Variants in IGF2BP2 observed in about 807,000 individuals in gnomAD.
The protein encoded by IGF2BP2 is insulin like growth factor 2 mRNA binding protein 2, also known as insulin-like growth factor 2 mRNA-binding protein 2.
In IGF2BP2, 17 loss-of-function variants were observed where a neutral mutation model predicts 75.8. The observed-to-expected ratio is 0.22, with a 90% CI of 0.15 to 0.34. IGF2BP2 has a LOEUF of 0.34. Ranked by LOEUF, IGF2BP2 falls within the 10% of genes least tolerant of loss-of-function variation. The probability of loss-of-function intolerance (pLI) is 1.00; values close to 1 mark genes in which losing one functional copy is unlikely to be tolerated. For synonymous variants in IGF2BP2, 288 were observed against 295.6 expected (o/e 0.97, Z 0.26); for missense variants, 516 against 772.4 (o/e 0.67, Z 3.93).
At chr3:185,674,019 T>C (rs935054148) in intron 9 of IGF2BP2, among the ~76,000 whole-genome samples, 28 of 152,218 alleles carry the variant, frequency 1.8e-4, no homozygotes, top group African/African-American at 5.8e-4. Flanking sequence ...AGTCTCCTGC[T>C]CTAGCTCTTC....
intron 2 of IGF2BP2, among the ~76,000 whole-genome samples, chr3:185,810,800 TA>T (rs1463986445): frequency 6.6e-6 from 1 of 151,034 alleles, no homozygotes; most frequent in Admixed American, 6.6e-5. Flanking sequence ...AAACAAAAAC[TA>T]AAAAACAAAC....
intron 2 of IGF2BP2, among the ~76,000 whole-genome samples, chr3:185,699,302 C>G (rs1277175206): frequency 6.6e-6 from 1 of 151,942 alleles, no homozygotes; most frequent in African/African-American, 2.4e-5. Flanking sequence ...ACAATTATCC[C>G]CTTCTTCCTC....
At chr3:185,751,607 C>T (rs1447808020) in intron 2 of IGF2BP2, among the ~76,000 whole-genome samples, 3 of 151,422 alleles carry the variant, frequency 2.0e-5, no homozygotes, top group South Asian at 2.1e-4. Context: ...ATCACGCCAT[C>T]GCACTCCAGC....
chr3:185,769,756 G>A (rs1458058230), intron 2 of IGF2BP2, among the ~76,000 whole-genome samples: 1 of 146,938 alleles, frequency 6.8e-6, no homozygotes, highest in Non-Finnish European at 1.5e-5. Flanking sequence ...TTGAGCCCAG[G>A]AGGTCAATGC....
chr3:185,650,522 C>T (rs921822154), intron 13 of IGF2BP2, among the ~76,000 whole-genome samples: 1 of 151,866 alleles, frequency 6.6e-6, no homozygotes, highest in African/African-American at 2.4e-5. Flanking sequence ...ACTAAAAATA[C>T]AAAAATTAGC....
intron 10 of IGF2BP2, among the ~76,000 whole-genome samples, chr3:185,662,543 C>CTTT (rs1172808795): frequency 8.9e-6 from 1 of 112,646 alleles, no homozygotes; most frequent in Non-Finnish European, 1.8e-5. Context: ...CCTTCCCATA[C>CTTT]TTTTTTTTTT....
intron 2 of IGF2BP2, among the ~76,000 whole-genome samples, chr3:185,793,121 T>C (rs1174519732): frequency 2.0e-5 from 3 of 152,234 alleles, no homozygotes. Context: ...TCTGGAATTA[T>C]CTTACTGCGC....
intron 2 of IGF2BP2, among the ~76,000 whole-genome samples, chr3:185,797,911 A>AG (rs1553893016): frequency 6.7e-6 from 1 of 149,362 alleles, no homozygotes; most frequent in African/African-American, 2.5e-5. Flanking sequence ...AAAAAAAAAA[A>AG]AAAAAAAAAG....
intron 4 of IGF2BP2, among the ~76,000 whole-genome samples, chr3:185,694,844 T>C (rs1304886094): frequency 6.6e-6 from 1 of 152,248 alleles, no homozygotes; most frequent in African/African-American, 2.4e-5. Flanking sequence ...CCCAGCACTC[T>C]GGGAGGCCAA....
intron 2 of IGF2BP2, among the ~76,000 whole-genome samples, chr3:185,808,902 T>A (rs11711477): frequency 0.45 from 68,186 of 152,004 alleles, 18,340 homozygotes; most frequent in African/African-American, 0.77. Flanking sequence ...CTGCTTTGCA[T>A]TTAAAATTTA....
intron 2 of IGF2BP2, among the ~76,000 whole-genome samples, chr3:185,786,633 T>A (rs990391421): frequency 6.6e-6 from 1 of 152,116 alleles, no homozygotes; most frequent in Admixed American, 6.5e-5. Context: ...GTCCCTTCGC[T>A]GACTCTCTTT....
intron 2 of IGF2BP2, among the ~76,000 whole-genome samples, chr3:185,705,384 T>C (rs1723883460): frequency 6.6e-6 from 1 of 152,208 alleles, no homozygotes; most frequent in South Asian, 2.1e-4. Flanking sequence ...CATGAGCCAC[T>C]GTGCCCAGCC....
rs1193787094 is a variant in IGF2BP2, at chr3:185,644,107, T to C, written c.*1424A>G. On this transcript the variant is annotated 3_prime_UTR_variant, in exon 16 of 16. Transcript: ENST00000382199. ...ACCTTCTCCAGGCTGGCAGTTGATA[T>C]CTTATTTTTTTTCCAACTCATTTTT... 1 of 152,444 alleles carries C rather than the reference T, an allele frequency of 6.6e-6. No individual in the cohort carries two copies. The highest frequency in any genetic ancestry group is 2.4e-5 in the African/African-American group (1 of 41,418). 9.4% of individuals were successfully genotyped at this position (152,444 alleles called of 1,614,324 possible). A position where few individuals can be genotyped will look rare whatever the true frequency, so the allele number is the denominator to read the frequency against.
At chr3:185,746,683 C>T (rs541164836) in intron 2 of IGF2BP2, among the ~76,000 whole-genome samples, 1 of 152,300 alleles carries the variant, frequency 6.6e-6, no homozygotes, top group African/African-American at 2.4e-5. Flanking sequence ...ACAAAGCCAA[C>T]AGGAAACATA....
chr3:185,652,822 C>T (rs1170738257), intron 12 of IGF2BP2, among the ~76,000 whole-genome samples: 4 of 152,132 alleles, frequency 2.6e-5, no homozygotes, highest in African/African-American at 9.7e-5. Context: ...GCTGGGCCCA[C>T]CAAGCTCCAA....
intron 2 of IGF2BP2, among the ~76,000 whole-genome samples, chr3:185,730,821 C>T (rs1211052740): frequency 6.6e-6 from 1 of 152,056 alleles, no homozygotes; most frequent in Non-Finnish European, 1.5e-5. Flanking sequence ...AGAGGTTGTA[C>T]TAATTTACAC....
intron 7 of IGF2BP2, among the ~76,000 whole-genome samples, chr3:185,684,687 G>C (rs764978963): frequency 6.6e-6 from 1 of 152,174 alleles, no homozygotes; most frequent in East Asian, 1.9e-4. Flanking sequence ...GATTACAGGC[G>C]TGAGTCACCA....
chr3:185,704,680 G>C lies in IGF2BP2; in HGVS notation c.240-6333C>G, dbSNP rs960954353. On this transcript the variant is annotated intron_variant, in intron 2 of 15. Coordinates refer to ENST00000382199, the MANE Select transcript of IGF2BP2 (RefSeq NM_006548.6). ...GCCTAGGCTGGTTTTGAATTCCTGG[G>C]CTCAAGCAATCAGCCCACCTTGTCC... Among the ~76,000 whole-genome samples, 4 of 152,062 alleles carry C rather than the reference G, an allele frequency of 2.6e-5. No individual in the cohort carries two copies. In the East Asian group the frequency reaches 7.7e-4, roughly 29 times the overall value.
intron 2 of IGF2BP2, among the ~76,000 whole-genome samples, chr3:185,733,319 A>G (rs1405755094): frequency 6.6e-6 from 1 of 152,194 alleles, no homozygotes; most frequent in Non-Finnish European, 1.5e-5. Context: ...AGTCAAAGGG[A>G]GAAGGAAACT....
Sources: gnomAD v4.1 joint callset for allele counts (sites outside exome capture counted in the v4.1 genomes callset) on GRCh38, gnomAD v4.1.1 for gene constraint, MANE v1.5 for transcripts, NCBI Gene and HGNC (gene_info 2026-07-23, HGNC 2026-07-21) for gene names.